The following LYPD4 variants were observed in gnomAD, a reference collection of about 807,000 sequenced individuals.
LYPD4 encodes the protein LY6/PLAUR domain containing 4, also known as ly6/PLAUR domain-containing protein 4.
Under a neutral mutation model 18.2 loss-of-function variants are expected in LYPD4, and 20 were observed. The observed-to-expected ratio is 1.10, with a 90% CI of 0.77 to 1.59. The LOEUF (loss-of-function observed/expected upper bound fraction) is 1.59, where lower values mean the gene tolerates loss of function less well. Among genes scored for constraint, LYPD4 ranks in the 40% most tolerant of loss-of-function variants. The pLI is 0.00. For synonymous variants in LYPD4, 111 were observed against 118.3 expected (o/e 0.94, Z 0.40); for missense variants, 278 against 300.3 (o/e 0.93, Z 0.55).
downstream of LYPD4, chr19:41,835,136 T>C (rs2073359585): frequency 6.6e-6 from 1 of 152,134 alleles, no homozygotes; most frequent in Admixed American, 6.6e-5. Flanking sequence ...ACAAAGTATA[T>C]AAAAATCCAA....
At chr19:41,840,040 G>A (rs1555832914) in intron 1 of LYPD4, among the ~76,000 whole-genome samples, 1 of 149,312 alleles carries the variant, frequency 6.7e-6, no homozygotes, top group African/African-American at 2.5e-5. Context: ...CAGAGACAGA[G>A]ACTCCATTTC....
intron 3 of LYPD4, among the ~76,000 whole-genome samples, chr19:41,838,466 T>C (rs7248641): frequency 0.42 from 64,367 of 151,602 alleles, 15,137 homozygotes; most frequent in Middle Eastern, 0.57. Context: ...CTGCAGGACC[T>C]CCCCCAGCCC....
At position 41,838,032 on chromosome 19, in the gene LYPD4, G is replaced by A. The variant is rs952390703; in HGVS notation, c.441C>T (p.Gly147=). Residue 147 remains glycine (G), a synonymous_variant, in exon 4 of 5, where the codon GGC becomes GGT. Transcript: ENST00000609812. The part of the protein sequence containing the change: ...SASCSCPTCV[G]EHMKDCLPNF... ...TTGGGAGGCAATCCTTCATGTGCTC[G>A]CCCACACAGGTCGGGCAGCTACAGG... 5.6e-6 allele frequency: 9 copies of A among 1,614,010 alleles called. No individual in the cohort carries two copies. The highest frequency in any genetic ancestry group is 1.1e-5 in the South Asian group (1 of 91,090).
rs1249996614 is a variant in LYPD4, at chr19:41,837,230, C to A, written c.654G>T (p.Glu218Asp). 3 of 1,613,978 alleles carry A rather than the reference C, an allele frequency of 1.9e-6. No homozygotes were observed. Among genetic ancestry groups the A allele is most frequent in the Non-Finnish European group, 2.5e-6 (3 of 1,179,972 alleles). ...IKVTEVLNILEKSQIVGAASS... is the reference protein window; with the variant it reads ...IKVTEVLNILDKSQIVGAASS... Reference sequence around the variant, plus strand: ...ATGCTGCACCAACAATCTGAGACTTCTCTAAGATGTTGAGGACCTCAGTCA... The same window carrying A: ...ATGCTGCACCAACAATCTGAGACTTATCTAAGATGTTGAGGACCTCAGTCA... Residue 218 changes from glutamate (E) to aspartate (D), a missense_variant, in exon 5 of 5, where the codon GAG becomes GAT. Glu to Asp is a conservative substitution (Grantham distance 45). Transcript: ENST00000609812.
Position 41,838,814 on chromosome 19 carries a change from G to T in LYPD4, c.211+67C>A, listed in dbSNP as rs545171384. 83 of 1,496,912 alleles carry T rather than the reference G, an allele frequency of 5.5e-5. 1 individual carries two copies. Among genetic ancestry groups the T allele is most frequent in the Middle Eastern group, 3.5e-4 (2 of 5,740 alleles). 92.7% of individuals were successfully genotyped at this position (1,496,912 alleles called of 1,614,324 possible). Reference sequence around the variant, plus strand: ...GAATTCTAATCTACAGTCCCTCGGTGCTGGGAGTGGAGCTGGGGGTCAGAA... The same window carrying T: ...GAATTCTAATCTACAGTCCCTCGGTTCTGGGAGTGGAGCTGGGGGTCAGAA... On this transcript the variant is annotated intron_variant, in intron 3 of 4. Coordinates refer to ENST00000609812, the MANE Select transcript of LYPD4 (RefSeq NM_173506.7).
At chr19:41,835,097 T>G (rs1382175252), downstream of LYPD4, 1 of 152,158 alleles carries the variant, frequency 6.6e-6, no homozygotes, top group Non-Finnish European at 1.5e-5. Context: ...TAAACAATAT[T>G]TATTGTTTAA....
At position 41,838,059 on chromosome 19, in the gene LYPD4, C is replaced by T. The variant is rs1555831203; in HGVS notation, c.414G>A (p.Ala138=). ...CCACACAGGTCGGGCAGCTACAGGA[C>T]GCAGATGTGATAGACTTAGGAGTGC... ...KASTPKSITS[A]SCSCPTCVGE... Residue 138 remains alanine, a synonymous_variant, in exon 4 of 5, where the codon GCG becomes GCA. Coordinates refer to ENST00000609812, the MANE Select transcript of LYPD4 (RefSeq NM_173506.7). 9.9e-6 allele frequency: 16 copies of T among 1,614,102 alleles called. No homozygotes were observed. The highest frequency in any genetic ancestry group is 2.2e-5 in the South Asian group (2 of 91,084).
intron 3 of LYPD4, 96 bp downstream of exon 3, chr19:41,838,785 T>C (rs1203206781): frequency 5.8e-6 from 6 of 1,026,914 alleles, no homozygotes; most frequent in South Asian, 4.5e-5. Context: ...ATAGTAACTA[T>C]GTGGAATTCT....
In LYPD4 at chr19:41,844,676, G is replaced by C. The variant is rs1222660895; in HGVS notation, c.-1219C>G. ...ACGAGGCAACCCGTGCACAGACCGG[G>C]CTTGGTCAACGCCCCAGGGGCGGGG... On this transcript the variant is annotated 5_prime_UTR_variant, in exon 1 of 5. Coordinates refer to ENST00000609812, the MANE Select transcript of LYPD4 (RefSeq NM_173506.7). 1 of 152,332 alleles carries C rather than the reference G, an allele frequency of 6.6e-6. No homozygotes were observed. The highest frequency in any genetic ancestry group is 1.5e-5 in the Non-Finnish European group (1 of 68,128). The allele number at this position is 152,332 out of a possible 1,614,324, so 9.4% of individuals were successfully genotyped here.
rs782088156 is a variant in LYPD4, at chr19:41,838,931, AC to A, written c.160del (p.Val54CysfsTer12). 6.2e-6 allele frequency: 10 copies of A among 1,613,878 alleles called. No homozygotes were observed. The East Asian group carries it at 2.0e-4, about 32-fold the overall frequency. ...CTCGCAGCCCTCTTGCAGCTTACAC[AC>A]CATGTTCCTCATCAGAAGCCACTTC... ...NWKWLLMRNM[V>X]CKLQEGCEET... On this transcript the variant is annotated frameshift_variant, in exon 3 of 5. Coordinates refer to ENST00000609812, the MANE Select transcript of LYPD4 (RefSeq NM_173506.7). LOFTEE classifies it high-confidence loss of function.
intron 1 of LYPD4, among the ~76,000 whole-genome samples, chr19:41,840,575 G>A (rs183635492): frequency 5.9e-5 from 9 of 152,302 alleles, no homozygotes; most frequent in Non-Finnish European, 1.0e-4. Flanking sequence ...TCTCCCGCCT[G>A]TAATCCCAGC....
At chr19:41,839,125 C>A in intron 2 of LYPD4, 94 bp downstream of exon 2, 1 of 1,612,012 alleles carries the variant, frequency 6.2e-7, no homozygotes, top group Non-Finnish European at 8.5e-7. Flanking sequence ...CTGTCCCCAG[C>A]GAAACCTAGA....
chr19:41,842,830 A>G (rs757445841), intron 1 of LYPD4, among the ~76,000 whole-genome samples: 12 of 146,558 alleles, frequency 8.2e-5, no homozygotes, highest in Non-Finnish European at 1.3e-4. Context: ...GAATGTGTAC[A>G]TGGATAGATT....
chr19:41,838,872 C>G lies in LYPD4; in HGVS notation c.211+9G>C, dbSNP rs542631666. 1.1e-4 allele frequency: 176 copies of G among 1,613,540 alleles called. No individual in the cohort carries two copies. Among genetic ancestry groups the G allele is most frequent in the Non-Finnish European group, 1.4e-4 (170 of 1,179,922 alleles). On this transcript the variant is annotated intron_variant, in intron 3 of 4. Transcript: ENST00000609812. ...CAAAACGAAATTGATCAAACTTAGACTGCTTCACCTGTCTCAATGAACACT... is the reference window on the plus strand; with the variant it reads ...CAAAACGAAATTGATCAAACTTAGAGTGCTTCACCTGTCTCAATGAACACT...
chr19:41,839,615 A>C (rs1555832758), intron 1 of LYPD4: 1 of 360,692 alleles, frequency 2.8e-6, no homozygotes, highest in African/African-American at 2.1e-5. Context: ...ACTGATATGC[A>C]GGCTGTTCTC....
In LYPD4 at chr19:41,838,166, T is replaced by C. The variant is rs781898627; in HGVS notation, c.307A>G (p.Ile103Val). The C allele has an allele frequency of 1.1e-5, 17 of 1,608,574 alleles. No individual in the cohort carries two copies. Among genetic ancestry groups the C allele is most frequent in the East Asian group, 8.9e-5 (4 of 44,748 alleles). ...CGGCAGACGCGACTGTAGGAGGCAA[T>C]GGACACTCCGGGTGGGGAAACAAGG... ...SYLVSPPGVSIASYSRVCRSY... is the reference protein window; with the variant it reads ...SYLVSPPGVSVASYSRVCRSY... The change falls in exon 4 of 5, where the codon ATT (isoleucine) becomes GTT (valine). Residue 103 changes from isoleucine to valine, a missense_variant. Transcript: ENST00000609812.
rs2073400029 is a variant in LYPD4 at position 41,837,355 on chromosome 19, A to G, written c.539-10T>C. ...GTGGTATTGAGAAACCCTGTAAGGA[A>G]GAGAGGGAGAAGTCAGGAACACTTT... On this transcript the variant is annotated splice_polypyrimidine_tract_variant and intron_variant, in intron 4 of 4. Coordinates refer to ENST00000609812, the MANE Select transcript of LYPD4 (RefSeq NM_173506.7). 6.2e-7 allele frequency: 1 copy of G among 1,613,802 alleles called. No individual in the cohort carries two copies. Among genetic ancestry groups the G allele is most frequent in the Non-Finnish European group, 8.5e-7 (1 of 1,179,794 alleles).
At chr19:41,837,851 C>A in intron 4 of LYPD4, 84 bp downstream of exon 4, 1 of 1,385,682 alleles carries the variant, frequency 7.2e-7, no homozygotes, top group South Asian at 1.4e-5. Flanking sequence ...CTCTGGATCC[C>A]ACCAGCCTCT....
At position 41,838,901 on chromosome 19, in the gene LYPD4, G is replaced by A. The variant is rs782048116; in HGVS notation, c.191C>T (p.Thr64Met). Residue 64 changes from threonine (T) to methionine (M), a missense_variant, in exon 3 of 5, where the codon ACG becomes ATG. Physicochemically the swap from Thr to Met is moderately conservative, Grantham distance 81. Coordinates refer to ENST00000609812, the MANE Select transcript of LYPD4 (RefSeq NM_173506.7). Reference protein sequence around the residue: ...VCKLQEGCEETLVFIETGTAR... With the variant: ...VCKLQEGCEEMLVFIETGTAR... ...TTCACCTGTCTCAATGAACACTAGC[G>A]TCTCCTCGCAGCCCTCTTGCAGCTT... is the stretch of plus-strand genomic sequence containing the variant. The A allele has an allele frequency of 2.4e-5, 39 of 1,613,758 alleles. No homozygotes were observed. Among genetic ancestry groups the A allele is most frequent in the Admixed American group, 3.3e-5 (2 of 59,970 alleles).
Sources: gnomAD v4.1 joint callset for allele counts (sites outside exome capture counted in the v4.1 genomes callset) on GRCh38, gnomAD v4.1.1 for gene constraint, MANE v1.5 for transcripts, NCBI Gene and HGNC (gene_info 2026-07-23, HGNC 2026-07-21) for gene names.